OPA1: variants seen among roughly 807,000 people sequenced by gnomAD.
OPA1 encodes the protein OPA1 mitochondrial dynamin like GTPase, also known as dynamin-like GTPase OPA1, mitochondrial.
A neutral mutation model predicts 152.9 loss-of-function variants in OPA1; 59 were observed. The ratio of observed to expected loss-of-function variants is 0.39; its 90% CI spans 0.31 to 0.48. OPA1 has a LOEUF of 0.48. OPA1 is among the 20% of genes least tolerant of loss of function. The probability of loss-of-function intolerance (pLI) is 0.96; values close to 1 mark genes in which losing one functional copy is unlikely to be tolerated. For missense variants in OPA1, 1,008 were observed against 1,216.8 expected, an observed-to-expected ratio of 0.83 and a Z score of 2.55; for synonymous variants, 400 against 389.9, an observed-to-expected ratio of 1.03 and a Z score of -0.31.
chr3:193,668,051 G>T (rs1316115273), intron 29 of OPA1, among the ~76,000 whole-genome samples: 1 of 152,132 alleles, frequency 6.6e-6, no homozygotes, highest in Non-Finnish European at 1.5e-5. Flanking sequence ...ATGTTTGTGT[G>T]TGTGCAGGTG....
intron 24 of OPA1, among the ~76,000 whole-genome samples, chr3:193,659,264 G>C (rs1018858472): frequency 6.6e-6 from 1 of 152,038 alleles, no homozygotes; most frequent in Non-Finnish European, 1.5e-5. Context: ...GTACTTATAG[G>C]AATTTTATAA....
intron 1 of OPA1, chr3:193,614,088 A>G (rs1469523792): frequency 1.4e-5 from 6 of 436,574 alleles, no homozygotes; most frequent in Non-Finnish European, 4.5e-6. Flanking sequence ...GTCAATGTGT[A>G]CATTTAAATT....
At chr3:193,608,826 G>T (rs1727700323) in intron 1 of OPA1, among the ~76,000 whole-genome samples, 1 of 152,106 alleles carries the variant, frequency 6.6e-6, no homozygotes, top group Admixed American at 6.5e-5. Context: ...CATTATTGTT[G>T]TGTGGGAGTC....
At position 193,694,937 on chromosome 3, in the gene OPA1, T is replaced by G. The variant is rs1722126006; in HGVS notation, c.*337T>G. Reference sequence around the variant, plus strand: ...GGTGGCACTCGTTTAATGGATTAACTGAGGTTGCTCAATGTTCAGTTTCTT... The same window carrying G: ...GGTGGCACTCGTTTAATGGATTAACGGAGGTTGCTCAATGTTCAGTTTCTT... On this transcript the variant is annotated 3_prime_UTR_variant, in exon 31 of 31. Coordinates refer to ENST00000361510, the MANE Select transcript of OPA1 (RefSeq NM_130837.3). The G allele has an allele frequency of 6.6e-6, 1 of 152,220 alleles. No homozygotes were observed. Among genetic ancestry groups the G allele is most frequent in the Non-Finnish European group, 1.5e-5 (1 of 68,014 alleles). 9.4% of individuals were successfully genotyped at this position (152,220 alleles called of 1,614,324 possible). A position where few individuals can be genotyped will look rare whatever the true frequency, so the allele number is the denominator to read the frequency against.
intron 1 of OPA1, among the ~76,000 whole-genome samples, chr3:193,604,517 T>G (rs1726927000): frequency 6.6e-6 from 1 of 152,126 alleles, no homozygotes; most frequent in Admixed American, 6.5e-5. Context: ...AAGAGGGAAA[T>G]CCCTTCAGCA....
In OPA1 at chr3:193,694,676, T is replaced by C. The variant is rs1722097353; in HGVS notation, c.*76T>C. The C allele has an allele frequency of 6.6e-6, 1 of 152,232 alleles. No individual in the cohort carries two copies. The highest frequency in any genetic ancestry group is 2.1e-4 in the South Asian group (1 of 4,832). The allele number at this position is 152,232 out of a possible 1,614,324, so 9.4% of individuals were successfully genotyped here. A position where few individuals can be genotyped will look rare whatever the true frequency, so the allele number is the denominator to read the frequency against. On this transcript the variant is annotated 3_prime_UTR_variant, in exon 31 of 31. Transcript: ENST00000361510. ...ATCAACGTCTTTTGTCCAGCCTCTT[T>C]TTCTTCTGCTGTTCCACCTTTCTAA...
intron 1 of OPA1, among the ~76,000 whole-genome samples, chr3:193,609,068 C>G (rs1344464883): frequency 6.6e-6 from 1 of 152,152 alleles, no homozygotes; most frequent in Non-Finnish European, 1.5e-5. Context: ...AGATCTTCCT[C>G]CATCCCTTTA....
chr3:193,643,502 T>G (rs748611106), intron 14 of OPA1, 26 bp from the exon 15 acceptor site: 3 of 1,609,002 alleles, frequency 1.9e-6, no homozygotes, highest in Non-Finnish European at 2.6e-6. Flanking sequence ...GCATTTATAA[T>G]GACATTTAAA....
At chr3:193,599,100 C>T (rs574278079) in intron 1 of OPA1, among the ~76,000 whole-genome samples, 2 of 152,290 alleles carry the variant, frequency 1.3e-5, no homozygotes, top group East Asian at 3.9e-4. Context: ...TTAGGCTCTT[C>T]CCCTTACATC....
intron 1 of OPA1, among the ~76,000 whole-genome samples, chr3:193,598,406 G>T (rs1725941432): frequency 6.6e-6 from 1 of 152,204 alleles, no homozygotes; most frequent in African/African-American, 2.4e-5. Flanking sequence ...GAGAGTGGAA[G>T]AATGAATTGC....
Position 193,615,738 on chromosome 3 carries a change from T to C in OPA1, c.416T>C (p.Ile139Thr), listed in dbSNP as rs373512033. 1.2e-6 allele frequency: 2 copies of C among 1,612,132 alleles called. No individual in the cohort carries two copies. The highest frequency in any genetic ancestry group is 1.7e-4 in the Middle Eastern group (1 of 6,048). Residue 139 changes from isoleucine to threonine, a missense_variant, in exon 3 of 31, where the codon ATT becomes ACT. Physicochemically the swap from Ile to Thr is moderately conservative, Grantham distance 89. Transcript: ENST00000361510. ...LSEYKWIVPD[I>T]VWEIDEYIDF... ...GAATATAAATGGATTGTGCCTGACA[T>C]TGTGTGGGAAATTGATGAGTATATC...
intron 21 of OPA1, among the ~76,000 whole-genome samples, chr3:193,649,549 T>C (rs1405689988): frequency 6.6e-6 from 1 of 152,162 alleles, no homozygotes; most frequent in African/African-American, 2.4e-5. Context: ...ATGAAGACTG[T>C]GGTATTTTTA....
In OPA1 at chr3:193,648,120, C is replaced by T. The variant is rs1465904230; in HGVS notation, c.1921C>T (p.Arg641Trp). 2 of 1,611,458 alleles carry T rather than the reference C, an allele frequency of 1.2e-6. No homozygotes were observed. The highest frequency in any genetic ancestry group is 1.7e-6 in the Non-Finnish European group (2 of 1,177,648). ...TEWKNNYPRL[R>W]ELDRNELFEK... ...ATGGAAGAATAACTATCCTCGCCTG[C>T]GGGAACTTGACCGGGTAATATTTGG... Residue 641 changes from arginine (R) to tryptophan (W), a missense_variant, in exon 20 of 31, where the codon CGG becomes TGG. Physicochemically the swap from Arg to Trp is moderately radical, Grantham distance 101 (BLOSUM62 -3). This residue lies in a region of OPA1 where 229 missense variants were observed against 269.0 expected (regional missense o/e 0.85). Transcript: ENST00000361510.
chr3:193,598,163 G>C (rs953686528), intron 1 of OPA1, among the ~76,000 whole-genome samples: 36 of 152,298 alleles, frequency 2.4e-4, no homozygotes, highest in Middle Eastern at 3.4e-3. Context: ...AAGGGCAGGA[G>C]GAAAGAGAAT....
At position 193,684,834 on chromosome 3, in the gene OPA1, G is replaced by A. The variant is rs1311235115; in HGVS notation, c.2984-7229G>A. 7.8e-4 allele frequency among the ~76,000 whole-genome samples: 119 copies of A among 152,260 alleles called. 1 individual carries two copies. The highest frequency in any genetic ancestry group is 2.8e-3 in the African/African-American group (115 of 41,544). ...GAATTGCCATCCACTTAAGAAAGTT[G>A]AGTGGTCTAACAAGTATAAAAGCCT... is the stretch of plus-strand genomic sequence containing the variant. On this transcript the variant is annotated intron_variant, in intron 29 of 30. Coordinates refer to ENST00000361510, the MANE Select transcript of OPA1 (RefSeq NM_130837.3).
chr3:193,629,955 T>G (rs921024315), intron 7 of OPA1, among the ~76,000 whole-genome samples: 1 of 152,222 alleles, frequency 6.6e-6, no homozygotes, highest in Non-Finnish European at 1.5e-5. Flanking sequence ...TTCATACTAA[T>G]TTAGCTACAG....
intron 29 of OPA1, among the ~76,000 whole-genome samples, chr3:193,675,983 C>A (rs992450947): frequency 6.6e-6 from 1 of 152,236 alleles, no homozygotes; most frequent in African/African-American, 2.4e-5. Flanking sequence ...TGTAGAGCAG[C>A]TTGCCTGTGT....
chr3:193,629,680 A>G (rs375122542), intron 7 of OPA1, among the ~76,000 whole-genome samples: 204 of 152,270 alleles, frequency 1.3e-3, no homozygotes, highest in African/African-American at 4.7e-3. Flanking sequence ...GAAAAAAGAA[A>G]TTATATTTGT....
rs2088336 is a variant in OPA1, at chr3:193,682,781, G to T, written c.2984-9282G>T. 3.6e-3 allele frequency among the ~76,000 whole-genome samples: 546 copies of T among 152,308 alleles called. 2 individuals carry two copies. The highest frequency in any genetic ancestry group is 0.013 in the African/African-American group (524 of 41,564). ...AAAAGTTTTCTTTCAAAATATTACTGCTCATTGACAATGCATCTGGTCAAG... is the reference window on the plus strand; with the variant it reads ...AAAAGTTTTCTTTCAAAATATTACTTCTCATTGACAATGCATCTGGTCAAG... On this transcript the variant is annotated intron_variant, in intron 29 of 30. Coordinates refer to ENST00000361510, the MANE Select transcript of OPA1 (RefSeq NM_130837.3).
Sources: allele counts gnomAD v4.1 joint callset (sites outside exome capture counted in the v4.1 genomes callset), GRCh38; gene constraint gnomAD v4.1.1; regional missense constraint gnomAD v4.1.1; transcripts MANE v1.5; gene names NCBI Gene and HGNC (gene_info 2026-07-23, HGNC 2026-07-21).